The following WDFY3 variants were observed in gnomAD, a reference collection of about 807,000 sequenced individuals.
WDFY3 encodes the protein WD repeat and FYVE domain containing 3, also known as WD repeat and FYVE domain-containing protein 3.
Under a neutral mutation model 409.6 loss-of-function variants are expected in WDFY3, and 66 were observed. The ratio of observed to expected loss-of-function variants is 0.16; its 90% CI spans 0.13 to 0.20. WDFY3 has a LOEUF of 0.20. WDFY3 is among the 10% of genes least tolerant of loss of function. The pLI is 1.00. For missense variants in WDFY3, 3,031 were observed against 4,298.1 expected (o/e 0.71, Z 8.24); for synonymous variants, 1,521 against 1,537.1 (o/e 0.99, Z 0.25).
At chr4:84,926,960 T>C (rs912209757) in intron 2 of WDFY3, among the ~76,000 whole-genome samples, 1 of 152,204 alleles carries the variant, frequency 6.6e-6, no homozygotes, top group African/African-American at 2.4e-5. Flanking sequence ...CTGCTAACCC[T>C]GCTAACAAGT....
chr4:84,767,632 AAAAAG>A (rs1302830195), intron 30 of WDFY3, among the ~76,000 whole-genome samples: 3 of 152,110 alleles, frequency 2.0e-5, no homozygotes, highest in Non-Finnish European at 2.9e-5. Context: ...ATAAAAAAAA[AAAAAG>A]AAAAGAAACA....
rs751998431 is a variant in WDFY3 at position 84,688,241 on chromosome 4, C to T, written c.9388G>A (p.Val3130Ile). 15 of 1,613,864 alleles carry T rather than the reference C, an allele frequency of 9.3e-6. No homozygotes were observed. The highest frequency in any genetic ancestry group is 3.3e-5 in the Admixed American group (2 of 59,950). The change falls in exon 62 of 68, where the codon GTC (valine) becomes ATC (isoleucine). Residue 3130 changes from valine to isoleucine, a missense_variant. Val to Ile is a conservative substitution (Grantham distance 29). Transcript: ENST00000295888. ...GCTAATGATGCTGTGGCGCAGGTGA[C>T]GGTATCAGTGTGGCCCAGTAAGGCC... Reference protein sequence around the residue: ...KQALLGHTDTVTCATASLAYH... With the variant: ...KQALLGHTDTITCATASLAYH...
At chr4:84,930,529 T>C (rs1373868025) in intron 2 of WDFY3, among the ~76,000 whole-genome samples, 1 of 152,218 alleles carries the variant, frequency 6.6e-6, no homozygotes, top group African/African-American at 2.4e-5. Context: ...ATGCCGGATC[T>C]GAATAAATTG....
At chr4:84,792,216 A>G (rs888066141) in intron 21 of WDFY3, among the ~76,000 whole-genome samples, 1 of 152,242 alleles carries the variant, frequency 6.6e-6, no homozygotes, top group South Asian at 2.1e-4. Context: ...AATTCAGAAT[A>G]TATGTCTGTT....
At chr4:84,850,885 G>A (rs1294510343) in intron 4 of WDFY3, among the ~76,000 whole-genome samples, 1 of 137,072 alleles carries the variant, frequency 7.3e-6, no homozygotes, top group African/African-American at 2.7e-5. Flanking sequence ...TAAAATAAAT[G>A]AGCTTTAGAA....
chr4:84,917,779 G>C (rs1186166908), intron 2 of WDFY3, among the ~76,000 whole-genome samples: 1 of 151,988 alleles, frequency 6.6e-6, no homozygotes, highest in Non-Finnish European at 1.5e-5. Flanking sequence ...AAAGACAAAT[G>C]AGACAACTGG....
intron 16 of WDFY3, among the ~76,000 whole-genome samples, chr4:84,802,741 T>C (rs1348819574): frequency 6.6e-6 from 1 of 152,210 alleles, no homozygotes; most frequent in African/African-American, 2.4e-5. Context: ...TTGTATTACA[T>C]GACTATATGA....
chr4:84,844,203 G>GA (rs1471440258), intron 5 of WDFY3, among the ~76,000 whole-genome samples: 1 of 152,074 alleles, frequency 6.6e-6, no homozygotes, highest in Non-Finnish European at 1.5e-5. Context: ...GTTAATAAGT[G>GA]AAATACAAGT....
chr4:84,871,266 A>C (rs1351436758), intron 3 of WDFY3, among the ~76,000 whole-genome samples: 4 of 152,204 alleles, frequency 2.6e-5, no homozygotes. Flanking sequence ...GTATCAAAAA[A>C]GGAACAAGGA....
intron 25 of WDFY3, among the ~76,000 whole-genome samples, chr4:84,781,531 G>A (rs552040991): frequency 6.6e-6 from 1 of 151,722 alleles, no homozygotes; most frequent in Admixed American, 6.6e-5. Context: ...ATTACATGGT[G>A]TGAACCACCA....
At chr4:84,797,575 T>TATTTATTC (rs1749682822) in intron 18 of WDFY3, among the ~76,000 whole-genome samples, 1 of 150,882 alleles carries the variant, frequency 6.6e-6, no homozygotes, top group Admixed American at 6.6e-5. Context: ...TTTATTTATT[T>TATTTATTC]ATTTATTTAT....
At chr4:84,933,494 A>G (rs529941403) in intron 1 of WDFY3, among the ~76,000 whole-genome samples, 1 of 152,270 alleles carries the variant, frequency 6.6e-6, no homozygotes, top group Admixed American at 6.5e-5. Context: ...ACATCAGGGT[A>G]AATGGGGTGT....
rs1578423213 is a variant in WDFY3, at chr4:84,766,355, C to T, written c.4867G>A (p.Gly1623Arg). 1 of 1,596,302 alleles carries T rather than the reference C, an allele frequency of 6.3e-7. No individual in the cohort carries two copies. Among genetic ancestry groups the T allele is most frequent in the Non-Finnish European group, 8.5e-7 (1 of 1,175,132 alleles). The change falls in exon 31 of 68, where the codon GGA (glycine) becomes AGA (arginine). Residue 1623 changes from glycine to arginine, a missense_variant. Around this residue, in one of 16 missense-constraint regions of WDFY3, gnomAD observed 342 missense variants for 463.7 expected, o/e 0.74. Coordinates refer to ENST00000295888, the MANE Select transcript of WDFY3 (RefSeq NM_014991.6). ...KLDTGTEEEF[G>R]GLVSANLILL... is the part of the protein sequence containing the mutation. ...ATAAGATTAGCTGATACAAGACCTC[C>T]AAACTCCTCTTCAGTTCCTAAAATA...
At chr4:84,920,346 T>C (rs907738118) in intron 2 of WDFY3, among the ~76,000 whole-genome samples, 5 of 151,912 alleles carry the variant, frequency 3.3e-5, no homozygotes, top group African/African-American at 1.2e-4. Flanking sequence ...ATATAAGAGA[T>C]GATCCTTATT....
chr4:84,947,739 A>G (rs1408282193), intron 1 of WDFY3, among the ~76,000 whole-genome samples: 1 of 146,826 alleles, frequency 6.8e-6, no homozygotes, highest in Non-Finnish European at 1.5e-5. Context: ...AACATTAGCC[A>G]GGCATGGTGG....
At chr4:84,946,584 A>G (rs1239558869) in intron 1 of WDFY3, among the ~76,000 whole-genome samples, 3 of 152,074 alleles carry the variant, frequency 2.0e-5, no homozygotes, top group African/African-American at 7.2e-5. Context: ...ACTAGTGGGG[A>G]GGAAAGCAAA....
At chr4:84,725,441 G>A (rs1461374296) in intron 45 of WDFY3, among the ~76,000 whole-genome samples, 1 of 152,096 alleles carries the variant, frequency 6.6e-6, no homozygotes, top group East Asian at 1.9e-4. Context: ...TCTCAAAACA[G>A]GTTCTCCAAC....
Position 84,772,773 on chromosome 4 carries a change from G to A in WDFY3, c.4849+62C>T, listed in dbSNP as rs998647466. On this transcript the variant is annotated intron_variant, in intron 30 of 67. Transcript: ENST00000295888. ...TGTAATTCAGGTCTAATTTGGGCCA[G>A]AAGAAAAAAGGCATAATATTTAGTT... 4.4e-6 allele frequency: 6 copies of A among 1,356,932 alleles called. No homozygotes were observed. The African/African-American group carries it at 7.3e-5, about 17-fold the overall frequency. 84.1% of individuals were successfully genotyped at this position (1,356,932 alleles called of 1,614,324 possible).
chr4:84,814,434 G>A (rs1028638894), intron 13 of WDFY3, among the ~76,000 whole-genome samples: 1 of 152,096 alleles, frequency 6.6e-6, no homozygotes, highest in Non-Finnish European at 1.5e-5. Flanking sequence ...TTAGTTACCT[G>A]TGCTCAAACT....
Sources: gnomAD v4.1 joint callset for allele counts (sites outside exome capture counted in the v4.1 genomes callset) on GRCh38, gnomAD v4.1.1 for gene constraint, gnomAD v4.1.1 regional missense constraint, MANE v1.5 for transcripts, NCBI Gene and HGNC (gene_info 2026-07-23, HGNC 2026-07-21) for gene names.